PARD3B: variants seen among roughly 807,000 people sequenced by gnomAD.
PARD3B encodes the protein partitioning defective 3 homolog B.
A neutral mutation model predicts 130.2 loss-of-function variants in PARD3B; 103 were observed. The ratio of observed to expected loss-of-function variants is 0.79; its 90% CI spans 0.67 to 0.93. PARD3B has a LOEUF of 0.93. Among genes scored for constraint, PARD3B ranks in the 40% least tolerant of loss-of-function variants. The probability of loss-of-function intolerance (pLI) is 0.00; values close to 1 mark genes in which losing one functional copy is unlikely to be tolerated. For synonymous variants in PARD3B, 583 were observed against 553.2 expected (o/e 1.05, Z -0.76); for missense variants, 1,609 against 1,499.2 (o/e 1.07, Z -1.21).
intron 1 of PARD3B, among the ~76,000 whole-genome samples, chr2:204,667,945 A>G (rs1254459197): frequency 6.6e-6 from 1 of 152,204 alleles, no homozygotes; most frequent in Non-Finnish European, 1.5e-5. Context: ...AACGAGGTGT[A>G]TATATAAAGA....
chr2:204,716,902 G>A (rs956599069), intron 2 of PARD3B, among the ~76,000 whole-genome samples: 2 of 152,146 alleles, frequency 1.3e-5, no homozygotes, highest in African/African-American at 4.8e-5. Flanking sequence ...GATTACAGGC[G>A]TGAGCCACCG....
intron 20 of PARD3B, among the ~76,000 whole-genome samples, chr2:205,467,216 G>A (rs1486239178): frequency 6.6e-6 from 1 of 152,212 alleles, no homozygotes; most frequent in Non-Finnish European, 1.5e-5. Flanking sequence ...AGAGCCATTT[G>A]TAATGGTCAA....
chr2:205,171,030 T>C (rs997438715), intron 11 of PARD3B, among the ~76,000 whole-genome samples: 1 of 152,216 alleles, frequency 6.6e-6, no homozygotes, highest in Non-Finnish European at 1.5e-5. Context: ...TCAGTTTCCT[T>C]TTCTGTAAAA....
intron 15 of PARD3B, among the ~76,000 whole-genome samples, chr2:205,242,219 T>C (rs2039383101): frequency 8.3e-6 from 1 of 120,842 alleles, no homozygotes; most frequent in South Asian, 2.7e-4. Context: ...CCCATTTGGA[T>C]TTTCTACAAT....
chr2:205,540,660 T>C (rs1478817289), intron 21 of PARD3B, among the ~76,000 whole-genome samples: 1 of 151,792 alleles, frequency 6.6e-6, no homozygotes, highest in African/African-American at 2.4e-5. Flanking sequence ...ACGGTGGATT[T>C]TCAGGATGCA....
rs148950514 is a variant in PARD3B at position 205,122,005 on chromosome 2, T to C, written c.1165+56T>C. 11,155 of 1,418,466 alleles carry C rather than the reference T, an allele frequency of 7.9e-3. 70 individuals are homozygous for C. Among genetic ancestry groups the C allele is most frequent in the Middle Eastern group, 0.019 (106 of 5,490 alleles). 87.9% of individuals were successfully genotyped at this position (1,418,466 alleles called of 1,614,324 possible). On this transcript the variant is annotated intron_variant, in intron 8 of 22. Coordinates refer to ENST00000406610, the MANE Select transcript of PARD3B (RefSeq NM_001302769.2). This position sits in a 1 kb window ranked among gnomAD's most constrained non-coding sequence, Gnocchi z 4.3. ...TATTATTGTAACATGTAAAATTGGT[T>C]AAGAGAAATGCATTAAGGCTAATTT... is the stretch of plus-strand genomic sequence containing the variant.
At position 205,230,541 on chromosome 2, in the gene PARD3B, T is replaced by C. The variant is rs1334214528; in HGVS notation, c.2141-15237T>C. Among the ~76,000 whole-genome samples, 1 of 152,092 alleles carries C rather than the reference T, an allele frequency of 6.6e-6. No individual in the cohort carries two copies. Among genetic ancestry groups the C allele is most frequent in the Admixed American group, 6.5e-5 (1 of 15,270 alleles). ...GTCCTCTTAACTCTTCCCTCTTTTC[T>C]CCTCTAGCAGAAGGCAGGAGTCTCT... On this transcript the variant is annotated intron_variant, in intron 15 of 22. Coordinates refer to ENST00000406610, the MANE Select transcript of PARD3B (RefSeq NM_001302769.2). The surrounding 1 kb of genome is among the most constrained non-coding windows in gnomAD (Gnocchi z 4.1).
intron 2 of PARD3B, among the ~76,000 whole-genome samples, chr2:204,918,692 CA>C (rs1048487184): frequency 1.3e-5 from 2 of 151,240 alleles, no homozygotes; most frequent in African/African-American, 4.9e-5. Flanking sequence ...GTAAAATTTG[CA>C]AAGGTTATAG....
chr2:204,816,151 A>G (rs796327653), intron 2 of PARD3B, among the ~76,000 whole-genome samples: 5 of 152,018 alleles, frequency 3.3e-5, no homozygotes, highest in African/African-American at 1.2e-4. Context: ...TACATACAGT[A>G]TAAGAACCTT....
intron 1 of PARD3B, among the ~76,000 whole-genome samples, chr2:204,564,218 T>G (rs926794179): frequency 6.6e-5 from 10 of 152,206 alleles, no homozygotes; most frequent in Non-Finnish European, 1.3e-4. Context: ...CTCAGTTCCT[T>G]TCCTTCGGGG....
At chr2:204,959,594 A>G (rs367738258) in intron 2 of PARD3B, among the ~76,000 whole-genome samples, 13 of 152,216 alleles carry the variant, frequency 8.5e-5, no homozygotes, top group African/African-American at 2.9e-4. Flanking sequence ...CACTCCCACC[A>G]ACAGTGTAAA....
intron 3 of PARD3B, among the ~76,000 whole-genome samples, chr2:204,979,155 G>A (rs1341545434): frequency 6.6e-6 from 1 of 150,844 alleles, no homozygotes; most frequent in Non-Finnish European, 1.5e-5. Context: ...GCAGTGAGCC[G>A]AGATTGCACC....
chr2:205,258,235 C>T lies in PARD3B; in HGVS notation c.2185+12413C>T, dbSNP rs2105751533. ...TCAGGTTGATCCCACAAGAATACAT[C>T]CCAAAGCCTCACTTTCCACCCTTTC... On this transcript the variant is annotated intron_variant, in intron 16 of 22. Transcript: ENST00000406610. This position sits in a 1 kb window ranked among gnomAD's most constrained non-coding sequence, Gnocchi z 4.9. Among the ~76,000 whole-genome samples, 1 of 152,216 alleles carries T rather than the reference C, an allele frequency of 6.6e-6. No individual in the cohort carries two copies. Among genetic ancestry groups the T allele is most frequent in the South Asian group, 2.1e-4 (1 of 4,824 alleles).
At chr2:204,584,516 G>C (rs1017630503) in intron 1 of PARD3B, among the ~76,000 whole-genome samples, 6 of 152,104 alleles carry the variant, frequency 3.9e-5, no homozygotes, top group Admixed American at 3.9e-4. Flanking sequence ...GAAAATGTAA[G>C]AATACACAAG....
chr2:204,734,693 A>T lies in PARD3B; in HGVS notation c.222+48411A>T, dbSNP rs73060908. Among the ~76,000 whole-genome samples, 546 of 152,284 alleles carry T rather than the reference A, an allele frequency of 3.6e-3. 2 individuals are homozygous for T. The highest frequency in any genetic ancestry group is 0.012 in the African/African-American group (505 of 41,576). Reference sequence around the variant, plus strand: ...TATGATTCCATTAAATGAAATTCTTAAAGAGCAAAACTGTAATGATACAAA... The same window carrying T: ...TATGATTCCATTAAATGAAATTCTTTAAGAGCAAAACTGTAATGATACAAA... On this transcript the variant is annotated intron_variant, in intron 2 of 22. Coordinates refer to ENST00000406610, the MANE Select transcript of PARD3B (RefSeq NM_001302769.2).
chr2:204,548,167 C>T (rs1439081037), intron 1 of PARD3B, among the ~76,000 whole-genome samples: 1 of 152,024 alleles, frequency 6.6e-6, no homozygotes, highest in Non-Finnish European at 1.5e-5. Flanking sequence ...CATAATGGCA[C>T]TAAAAGGTCA....
intron 10 of PARD3B, among the ~76,000 whole-genome samples, chr2:205,129,945 T>G (rs1195038055): frequency 6.6e-6 from 1 of 152,216 alleles, no homozygotes; most frequent in Non-Finnish European, 1.5e-5. Context: ...GTGTCCTTCC[T>G]GAGCAATTGA....
rs1559276276 is a variant in PARD3B at position 205,616,123 on chromosome 2, G to A, written c.*310G>A. 2 of 328,618 alleles carry A rather than the reference G, an allele frequency of 6.1e-6. No individual in the cohort carries two copies. The highest frequency in any genetic ancestry group is 1.1e-5 in the Non-Finnish European group (2 of 179,888). 20.4% of individuals were successfully genotyped at this position (328,618 alleles called of 1,614,324 possible). On this transcript the variant is annotated 3_prime_UTR_variant, in exon 23 of 23. Coordinates refer to ENST00000406610, the MANE Select transcript of PARD3B (RefSeq NM_001302769.2). ...CGGAACACACAAACAACTAATTATG[G>A]AACTCTACTCTGGGGATCCTCTCTG...
At position 205,591,450 on chromosome 2, in the gene PARD3B, A is replaced by T. The variant is rs1267490636; in HGVS notation, c.3261-24006A>T. Among the ~76,000 whole-genome samples, 1 of 152,240 alleles carries T rather than the reference A, an allele frequency of 6.6e-6. No homozygotes were observed. The highest frequency in any genetic ancestry group is 1.5e-5 in the Non-Finnish European group (1 of 68,048). On this transcript the variant is annotated intron_variant, in intron 22 of 22. Transcript: ENST00000406610. This position sits in a 1 kb window ranked among gnomAD's most constrained non-coding sequence, Gnocchi z 4.2. ...ATAATAATAACTGCCTACCATTATCAGTCACTTACCACACCCATGCACCAT... is the reference window on the plus strand; with the variant it reads ...ATAATAATAACTGCCTACCATTATCTGTCACTTACCACACCCATGCACCAT...
Sources: allele counts gnomAD v4.1 joint callset (sites outside exome capture counted in the v4.1 genomes callset), GRCh38; gene constraint gnomAD v4.1.1; non-coding constraint Gnocchi (gnomAD v3.1); transcripts MANE v1.5; gene names NCBI Gene and HGNC (gene_info 2026-07-23, HGNC 2026-07-21).